Variants in MAP3K5 observed in about 807,000 individuals in gnomAD.
MAP3K5 encodes the protein mitogen-activated protein kinase kinase kinase 5.
A neutral mutation model predicts 158.7 loss-of-function variants in MAP3K5; 56 were observed. That is an observed-to-expected ratio of 0.35 (90% CI 0.28 to 0.44). MAP3K5 has a LOEUF of 0.44. Ranked by LOEUF, MAP3K5 falls within the 20% of genes least tolerant of loss-of-function variation. MAP3K5 has a pLI of 1.00. For missense variants in MAP3K5, 1,294 were observed against 1,674.8 expected (o/e 0.77, Z 3.97); for synonymous variants, 579 against 601.7 (o/e 0.96, Z 0.55).
rs568614227 is a variant in MAP3K5 at position 136,604,009 on chromosome 6, A to G, written c.2679+1200T>C. Among the ~76,000 whole-genome samples the G allele has an allele frequency of 2.0e-5, 3 of 152,316 alleles. No individual in the cohort carries two copies. The East Asian group carries it at 5.8e-4, about 29-fold the overall frequency. On this transcript the variant is annotated intron_variant, in intron 19 of 29. Transcript: ENST00000359015. Reference sequence around the variant, plus strand: ...TAGAAACATGGTCTGCAGCAGGGAGAGGAATAACAATTACCATCAAAAGTC... The same window carrying G: ...TAGAAACATGGTCTGCAGCAGGGAGGGGAATAACAATTACCATCAAAAGTC...
intron 1 of MAP3K5, among the ~76,000 whole-genome samples, chr6:136,752,917 C>G (rs1170246397): frequency 6.6e-6 from 1 of 152,200 alleles, no homozygotes; most frequent in Non-Finnish European, 1.5e-5. Context: ...CTGCCTGGTA[C>G]ATGCTCATCC....
chr6:136,672,760 T>C (rs773500933), intron 7 of MAP3K5, among the ~76,000 whole-genome samples: 14 of 151,822 alleles, frequency 9.2e-5, no homozygotes, highest in Non-Finnish European at 1.8e-4. Flanking sequence ...GAGGACAAGG[T>C]AGGCGGATCA....
At chr6:136,754,680 C>T (rs925029807) in intron 1 of MAP3K5, among the ~76,000 whole-genome samples, 1 of 152,076 alleles carries the variant, frequency 6.6e-6, no homozygotes, top group Non-Finnish European at 1.5e-5. Context: ...GGAGATTGAT[C>T]AAAGGTTTTG....
intron 7 of MAP3K5, among the ~76,000 whole-genome samples, chr6:136,680,897 G>A (rs368792029): frequency 1.5e-4 from 23 of 152,260 alleles, no homozygotes; most frequent in African/African-American, 5.1e-4. Context: ...AGGAAGGGGC[G>A]GGGCTGGGGG....
chr6:136,567,997 C>T, intron 25 of MAP3K5, 123 bp from the exon 26 acceptor site: 1 of 1,069,892 alleles, frequency 9.3e-7, no homozygotes, highest in Non-Finnish European at 1.3e-6. Context: ...ACTGCTTTTC[C>T]AAAAGTGAGG....
chr6:136,654,284 CTT>C (rs538040863), intron 10 of MAP3K5, among the ~76,000 whole-genome samples: 184 of 152,308 alleles, frequency 1.2e-3, no homozygotes, highest in Non-Finnish European at 2.2e-3. Context: ...TAAAAATGCT[CTT>C]GTCTCCACAA....
At chr6:136,741,722 T>C (rs1050394227) in intron 1 of MAP3K5, among the ~76,000 whole-genome samples, 1 of 152,132 alleles carries the variant, frequency 6.6e-6, no homozygotes, top group African/African-American at 2.4e-5. Context: ...GATGGCAGGA[T>C]CATCTATGTA....
At chr6:136,654,910 T>C (rs759513827) in intron 10 of MAP3K5, among the ~76,000 whole-genome samples, 2 of 152,200 alleles carry the variant, frequency 1.3e-5, no homozygotes, top group Non-Finnish European at 2.9e-5. Flanking sequence ...CATTTTTTAG[T>C]GAAATCAAGT....
Position 136,642,015 on chromosome 6 carries a change from T to A in MAP3K5, c.1838+505A>T, listed in dbSNP as rs12181621. Among the ~76,000 whole-genome samples the A allele has an allele frequency of 7.2e-4, 80 of 110,536 alleles. 1 individual carries two copies. Among genetic ancestry groups the A allele is most frequent in the East Asian group, 2.8e-3 (10 of 3,632 alleles). The allele number at this position is 110,536 out of a possible 152,430, so 72.5% of individuals were successfully genotyped here. A position where few individuals can be genotyped will look rare whatever the true frequency, so the allele number is the denominator to read the frequency against. On this transcript the variant is annotated intron_variant, in intron 12 of 29. Coordinates refer to ENST00000359015, the MANE Select transcript of MAP3K5 (RefSeq NM_005923.4). The stretch of plus-strand genomic sequence containing the variant: ...CAAAATAAAATAAAATAAAATAAAA[T>A]AAATAAAATAAAATAAAAATAAAAT...
chr6:136,626,659 C>T (rs1442548763), intron 14 of MAP3K5, among the ~76,000 whole-genome samples: 1 of 152,108 alleles, frequency 6.6e-6, no homozygotes, highest in Non-Finnish European at 1.5e-5. Context: ...CAGTGGGACC[C>T]AGCCAGCAGC....
chr6:136,765,679 A>ATTT (rs780589836), intron 1 of MAP3K5, among the ~76,000 whole-genome samples: 4 of 120,012 alleles, frequency 3.3e-5, no homozygotes, highest in Non-Finnish European at 5.2e-5. Context: ...TGCCTGGCTA[A>ATTT]TTTTTTTTTT....
intron 7 of MAP3K5, among the ~76,000 whole-genome samples, chr6:136,683,892 C>G (rs573804559): frequency 1.3e-5 from 2 of 152,076 alleles, no homozygotes; most frequent in Non-Finnish European, 2.9e-5. Context: ...CAGGGCAACA[C>G]GAAATTCACT....
intron 14 of MAP3K5, among the ~76,000 whole-genome samples, chr6:136,624,050 TG>T (rs1776927222): frequency 6.6e-6 from 1 of 151,890 alleles, no homozygotes; most frequent in Non-Finnish European, 1.5e-5. Context: ...AAAAATTAGC[TG>T]GGTATGGTGG....
chr6:136,626,703 C>T (rs1269168264), intron 14 of MAP3K5, among the ~76,000 whole-genome samples: 1 of 152,070 alleles, frequency 6.6e-6, no homozygotes, highest in East Asian at 1.9e-4. Flanking sequence ...GATGTGCCCT[C>T]TCAAAGGATT....
chr6:136,614,145 G>C lies in MAP3K5; in HGVS notation c.2278+14C>G. 1 of 1,607,664 alleles carries C rather than the reference G, an allele frequency of 6.2e-7. No homozygotes were observed. The highest frequency in any genetic ancestry group is 2.2e-5 in the East Asian group (1 of 44,810). On this transcript the variant is annotated intron_variant, in intron 16 of 29. Coordinates refer to ENST00000359015, the MANE Select transcript of MAP3K5 (RefSeq NM_005923.4). ...TAAACATTCACACTTTTTAAAGAAA[G>C]AAATATCTCTTACCTCCAGGGACCT...
At chr6:136,640,075 C>G (rs1369076440) in intron 12 of MAP3K5, among the ~76,000 whole-genome samples, 2 of 152,200 alleles carry the variant, frequency 1.3e-5, no homozygotes, top group African/African-American at 4.8e-5. Context: ...AAAAGCACCT[C>G]ATTCATTATA....
intron 14 of MAP3K5, 93 bp from the exon 15 acceptor site, chr6:136,623,074 C>A: frequency 8.4e-7 from 1 of 1,192,360 alleles, no homozygotes; most frequent in Non-Finnish European, 1.2e-6. Flanking sequence ...TATTCCTTAT[C>A]TTATCAGATG....
chr6:136,652,806 A>G (rs545495552), intron 10 of MAP3K5, among the ~76,000 whole-genome samples: 58 of 152,358 alleles, frequency 3.8e-4, no homozygotes, highest in African/African-American at 1.2e-3. Context: ...GGTTGTAACT[A>G]TCACTGTCTA....
At chr6:136,562,780 C>T (rs1048720887) in intron 26 of MAP3K5, among the ~76,000 whole-genome samples, 165 bp from the exon 27 acceptor site, 1 of 151,656 alleles carries the variant, frequency 6.6e-6, no homozygotes, top group African/African-American at 2.4e-5. Flanking sequence ...AAGCGATCCT[C>T]CCATCTCAGT....
Sources: allele counts gnomAD v4.1 joint callset (sites outside exome capture counted in the v4.1 genomes callset), GRCh38; gene constraint gnomAD v4.1.1; transcripts MANE v1.5; gene names NCBI Gene and HGNC (gene_info 2026-07-23, HGNC 2026-07-21).